CIMIP7: variants seen among roughly 807,000 people sequenced by gnomAD.
CIMIP7 encodes the protein ciliary microtubule inner protein 7.
chr3:49,180,373 T>G, the CIMIP7 span, among the ~76,000 whole-genome samples: 4 of 152,208 alleles, frequency 2.6e-5, no homozygotes, highest in Non-Finnish European at 4.4e-5. Context: ...GCCCATCTCT[T>G]AGGCCTCCAG....
chr3:49,178,529 G>A, the CIMIP7 span: 2 of 1,613,508 alleles, frequency 1.2e-6, no homozygotes, highest in Non-Finnish European at 1.7e-6. Flanking sequence ...AAGTGTCGCT[G>A]CGCCGGCTCC....
the CIMIP7 span, among the ~76,000 whole-genome samples, chr3:49,191,210 A>G: frequency 0.11 from 16,346 of 152,184 alleles, 971 homozygotes; most frequent in African/African-American, 0.13. Flanking sequence ...TCTGGCCATC[A>G]CAATGGGCTA....
the CIMIP7 span, chr3:49,178,333 G>T: frequency 1.3e-6 from 1 of 746,828 alleles, no homozygotes; most frequent in South Asian, 1.7e-5. Context: ...TTTCCCAGAG[G>T]AGAAAGTTTG....
chr3:49,182,964 C>T, the CIMIP7 span, among the ~76,000 whole-genome samples: 1 of 152,198 alleles, frequency 6.6e-6, no homozygotes, highest in Non-Finnish European at 1.5e-5. Flanking sequence ...CCGGCAAGTA[C>T]AGCGCGCAGC....
the CIMIP7 span, among the ~76,000 whole-genome samples, chr3:49,182,693 G>T: frequency 6.6e-6 from 1 of 152,214 alleles, no homozygotes; most frequent in Non-Finnish European, 1.5e-5. Context: ...TGGTCAATGG[G>T]ACTGGATGCC....
chr3:49,178,579 T>C, the CIMIP7 span: 2 of 1,570,162 alleles, frequency 1.3e-6, no homozygotes, highest in Non-Finnish European at 1.7e-6. Context: ...GGGAAAATGA[T>C]GCTTATTTAC....
the CIMIP7 span, chr3:49,191,755 A>C: frequency 1.3e-6 from 2 of 1,577,598 alleles, no homozygotes; most frequent in Non-Finnish European, 8.6e-7. Context: ...CCAGGAGCCT[A>C]CTAAAGCACT....
chr3:49,185,186 G>A, the CIMIP7 span, among the ~76,000 whole-genome samples: 1 of 151,442 alleles, frequency 6.6e-6, no homozygotes, highest in Non-Finnish European at 1.5e-5. Context: ...ACTTGAACCC[G>A]GGAGGCAGAG....
chr3:49,186,508 A>G, the CIMIP7 span, among the ~76,000 whole-genome samples: 3 of 150,942 alleles, frequency 2.0e-5, no homozygotes, highest in African/African-American at 7.3e-5. Context: ...GGTTCACACC[A>G]TTCTCCTGCC....
the CIMIP7 span, chr3:49,178,601 T>C: frequency 4.2e-6 from 6 of 1,428,100 alleles, no homozygotes; most frequent in African/African-American, 8.4e-5. Flanking sequence ...CACCCTTACC[T>C]GGATCACTGC....
chr3:49,191,820 AG>A, the CIMIP7 span: 7 of 1,526,720 alleles, frequency 4.6e-6, no homozygotes, highest in East Asian at 1.5e-4. Context: ...TGTCTTTTGG[AG>A]GGTATCTTCA....
chr3:49,191,495 G>C, the CIMIP7 span, among the ~76,000 whole-genome samples: 1 of 152,286 alleles, frequency 6.6e-6, no homozygotes, highest in Admixed American at 6.5e-5. Context: ...AATAAATGGG[G>C]TGGCTAGAGG....
chr3:49,184,141 G>C, the CIMIP7 span, among the ~76,000 whole-genome samples: 1 of 152,114 alleles, frequency 6.6e-6, no homozygotes, highest in East Asian at 1.9e-4. Flanking sequence ...GGTACCACAG[G>C]TGCATGCCAT....
chr3:49,184,073 C>T, the CIMIP7 span, among the ~76,000 whole-genome samples: 1 of 152,208 alleles, frequency 6.6e-6, no homozygotes, highest in Non-Finnish European at 1.5e-5. Context: ...TCATGGCTCA[C>T]TTCAGCCTTG....
chr3:49,178,830 G>A, the CIMIP7 span, among the ~76,000 whole-genome samples: 1 of 152,108 alleles, frequency 6.6e-6, no homozygotes, highest in Non-Finnish European at 1.5e-5. Flanking sequence ...GGGAGCAGTG[G>A]CCAAGTTTCA....
chr3:49,187,571 C>A, the CIMIP7 span, among the ~76,000 whole-genome samples: 1 of 151,574 alleles, frequency 6.6e-6, no homozygotes, highest in East Asian at 1.9e-4. Context: ...TTATATTTCC[C>A]AAGAATCAGG....
At chr3:49,182,156 T>C in the CIMIP7 span, among the ~76,000 whole-genome samples, 2 of 152,184 alleles carry the variant, frequency 1.3e-5, no homozygotes, top group Non-Finnish European at 2.9e-5. Context: ...GCAAGATTTA[T>C]TGCAAGGAGT....
the CIMIP7 span, chr3:49,178,513 GAGA>G: frequency 1.1e-5 from 17 of 1,613,556 alleles, no homozygotes; most frequent in East Asian, 2.2e-5. Context: ...GTCGTGCTTG[GAGA>G]AGAAGTGTCG....
At chr3:49,188,449 G>A in the CIMIP7 span, among the ~76,000 whole-genome samples, 2 of 152,112 alleles carry the variant, frequency 1.3e-5, no homozygotes, top group Non-Finnish European at 2.9e-5. Context: ...CCTTTGTTCT[G>A]GCCACCAGGG....
Sources: gnomAD v4.1 joint callset for allele counts (sites outside exome capture counted in the v4.1 genomes callset) on GRCh38, gnomAD v4.1.1 for gene constraint, MANE v1.5 for transcripts, NCBI Gene and HGNC (gene_info 2026-07-23, HGNC 2026-07-21) for gene names.